TTC6: variants seen among roughly 807,000 people sequenced by gnomAD.
The protein encoded by TTC6 is tetratricopeptide repeat domain 6.
A neutral mutation model predicts 210.4 loss-of-function variants in TTC6; 172 were observed. The observed-to-expected ratio is 0.82, with a 90% CI of 0.72 to 0.93. The LOEUF is 0.93. Ranked by LOEUF, TTC6 falls within the 40% of genes least tolerant of loss-of-function variation. The pLI, the probability that TTC6 is intolerant of heterozygous loss-of-function variation, is 0.00. For missense variants in TTC6, 2,414 were observed against 2,318.1 expected (o/e 1.04, Z -0.85); for synonymous variants, 804 against 819.6 (o/e 0.98, Z 0.32).
intron 20 of TTC6, among the ~76,000 whole-genome samples, chr14:37,800,416 A>C (rs2096103729): frequency 6.6e-6 from 1 of 152,182 alleles, no homozygotes; most frequent in Admixed American, 6.5e-5. Context: ...TAAGTTAAGA[A>C]CTGTTAAACA....
intron 1 of TTC6, among the ~76,000 whole-genome samples, chr14:37,623,517 C>T (rs1247837958): frequency 6.6e-6 from 1 of 152,154 alleles, no homozygotes; most frequent in Non-Finnish European, 1.5e-5. Context: ...TCTATGTCTT[C>T]CCAATCATAG....
intron 14 of TTC6, among the ~76,000 whole-genome samples, chr14:37,759,566 T>C (rs2095977944): frequency 6.6e-6 from 1 of 152,100 alleles, no homozygotes; most frequent in African/African-American, 2.4e-5. Flanking sequence ...TAGATTGCGG[T>C]TCTCCCGGAT....
chr14:37,685,543 T>C (rs1455719342), intron 3 of TTC6, among the ~76,000 whole-genome samples: 5 of 152,158 alleles, frequency 3.3e-5, no homozygotes, highest in Admixed American at 6.6e-5. Flanking sequence ...TAATTTATTT[T>C]TGGAAAAAGG....
Position 37,824,048 on chromosome 14 carries a change from T to A in TTC6, c.4974+91T>A, listed in dbSNP as rs2096164624. ...CCTGGCAATGGGAGTATATGTTATTTCTTTGGTTATGAACATTTACCTTTT... is the reference window on the plus strand; with the variant it reads ...CCTGGCAATGGGAGTATATGTTATTACTTTGGTTATGAACATTTACCTTTT... On this transcript the variant is annotated intron_variant, in intron 27 of 30. Coordinates refer to ENST00000553443, the Ensembl canonical transcript of TTC6. 3 of 1,172,642 alleles carry A rather than the reference T, an allele frequency of 2.6e-6. No individual in the cohort carries two copies. In the South Asian group the frequency reaches 4.2e-5, roughly 16 times the overall value. 72.6% of individuals were successfully genotyped at this position (1,172,642 alleles called of 1,614,324 possible).
chr14:37,610,253 C>T (rs979526356), intron 2 of TTC6, among the ~76,000 whole-genome samples: 1 of 152,210 alleles, frequency 6.6e-6, no homozygotes, highest in Non-Finnish European at 1.5e-5. Flanking sequence ...AACTGTGGAG[C>T]ACGAGACTTT....
intron 1 of TTC6, among the ~76,000 whole-genome samples, chr14:37,672,633 A>G (rs1047193945): frequency 1.1e-4 from 16 of 152,112 alleles, no homozygotes; most frequent in African/African-American, 3.6e-4. Context: ...ATTAACTTAG[A>G]TTTCTCCATA....
At chr14:37,799,663 G>A (rs1177098583) in intron 20 of TTC6, among the ~76,000 whole-genome samples, 2 of 152,104 alleles carry the variant, frequency 1.3e-5, no homozygotes, top group African/African-American at 4.8e-5. Context: ...ACTGCTTGTG[G>A]AGAGGGTATC....
intron 2 of TTC6, among the ~76,000 whole-genome samples, chr14:37,614,918 A>G (rs966041279): frequency 6.6e-6 from 1 of 151,998 alleles, no homozygotes; most frequent in Non-Finnish European, 1.5e-5. Context: ...AGCTAACTTT[A>G]GTATTTTTAG....
At chr14:37,707,950 G>C (rs1404689636) in intron 5 of TTC6, among the ~76,000 whole-genome samples, 1 of 152,010 alleles carries the variant, frequency 6.6e-6, no homozygotes, top group African/African-American at 2.4e-5. Context: ...AAAGGCATTG[G>C]GGGTGGGATG....
At chr14:37,713,650 T>G (rs549104776) in intron 5 of TTC6, among the ~76,000 whole-genome samples, 190 of 152,288 alleles carry the variant, frequency 1.2e-3, no homozygotes, top group African/African-American at 4.3e-3. Context: ...AGTTTTAACC[T>G]CTCTTTGAAT....
At chr14:37,823,799 A>C (rs1346876415) in exon 27 of TTC6, 1 of 1,614,052 alleles carries the variant, frequency 6.2e-7, no homozygotes, top group South Asian at 1.1e-5. Context: ...TCTTAAAATT[A>C]ACCCATGTTT....
intron 3 of TTC6, among the ~76,000 whole-genome samples, chr14:37,689,778 G>A (rs1341079943): frequency 6.6e-6 from 1 of 151,986 alleles, no homozygotes; most frequent in Non-Finnish European, 1.5e-5. Flanking sequence ...AAAAGCTGAG[G>A]CATTTTATCA....
chr14:37,714,707 C>A, exon 6 of TTC6: 1 of 1,535,564 alleles, frequency 6.5e-7, no homozygotes, highest in Middle Eastern at 1.7e-4. Flanking sequence ...TGTCCATATT[C>A]CTCCGACACC....
At chr14:37,803,768 AAG>A (rs2096112289) in intron 20 of TTC6, among the ~76,000 whole-genome samples, 1 of 152,174 alleles carries the variant, frequency 6.6e-6, no homozygotes, top group Non-Finnish European at 1.5e-5. Context: ...GAAAAGTAGA[AAG>A]GGGGGAAATT....
At chr14:37,819,311 G>T (rs2096149990) in intron 26 of TTC6, among the ~76,000 whole-genome samples, 1 of 151,848 alleles carries the variant, frequency 6.6e-6, no homozygotes, top group African/African-American at 2.4e-5. Context: ...TACCACAGAT[G>T]CATGGACTGT....
chr14:37,624,976 G>C (rs1052864526), intron 1 of TTC6, among the ~76,000 whole-genome samples: 1 of 152,092 alleles, frequency 6.6e-6, no homozygotes, highest in Non-Finnish European at 1.5e-5. Flanking sequence ...ATGTCGGAGA[G>C]TGGCATGGAT....
At chr14:37,829,470 TCTA>T (rs1389977551) in intron 29 of TTC6, among the ~76,000 whole-genome samples, 1 of 152,054 alleles carries the variant, frequency 6.6e-6, no homozygotes, top group Non-Finnish European at 1.5e-5. Context: ...GTTTAGTTTC[TCTA>T]CTATGAACAA....
chr14:37,816,430 C>T (rs2096142055), intron 25 of TTC6, among the ~76,000 whole-genome samples: 1 of 151,896 alleles, frequency 6.6e-6, no homozygotes, highest in Non-Finnish European at 1.5e-5. Context: ...TGGGTAGTGT[C>T]CTTTGGGGCT....
In TTC6 at chr14:37,624,397, C is replaced by T. The variant is rs185931030; in HGVS notation, c.939+1394C>T. Among the ~76,000 whole-genome samples the T allele has an allele frequency of 3.9e-5, 6 of 152,290 alleles. No homozygotes were observed. In the South Asian group the frequency reaches 8.3e-4, roughly 21 times the overall value. ...CCCTACTTCTGACATAGGCTCCATG[C>T]TCTACGACATAGTTAAGGTACTTGA... is the stretch of plus-strand genomic sequence containing the variant. On this transcript the variant is annotated intron_variant, in intron 1 of 30. Transcript: ENST00000553443.
Sources: allele counts gnomAD v4.1 joint callset (sites outside exome capture counted in the v4.1 genomes callset), GRCh38; gene constraint gnomAD v4.1.1; transcripts MANE v1.5; gene names NCBI Gene and HGNC (gene_info 2026-07-23, HGNC 2026-07-21).